GLI3: variants seen among roughly 807,000 people sequenced by gnomAD.
GLI3 encodes GLI family zinc finger 3.
GLI3 carries 20 observed loss-of-function variants against 100.8 expected under a neutral mutation model. The observed-to-expected ratio is 0.20, with a 90% CI of 0.14 to 0.29. The LOEUF (loss-of-function observed/expected upper bound fraction) is 0.29, where lower values mean the gene tolerates loss of function less well. GLI3 is among the 10% of genes least tolerant of loss of function. The pLI is 1.00. For synonymous variants in GLI3, 938 were observed against 860.5 expected, an observed-to-expected ratio of 1.09 and a Z score of -1.58; for missense variants, 2,040 against 2,128.5, an observed-to-expected ratio of 0.96 and a Z score of 0.82.
At chr7:42,035,934 C>T (rs1789426085) in intron 7 of GLI3, among the ~76,000 whole-genome samples, 1 of 152,180 alleles carries the variant, frequency 6.6e-6, no homozygotes, top group East Asian at 1.9e-4. Flanking sequence ...TATTTTATAA[C>T]ATACTTTCCA....
rs1461131100 is a variant in GLI3 at position 42,226,315 on chromosome 7, G to T, written c.-42-3020C>A. Among the ~76,000 whole-genome samples, 4 of 152,156 alleles carry T rather than the reference G, an allele frequency of 2.6e-5. No homozygotes were observed. In the East Asian group the frequency reaches 7.7e-4, roughly 29 times the overall value. The stretch of plus-strand genomic sequence containing the variant: ...AACTAAGTATCTTCCTTAGCAGAGG[G>T]TGCTAATTAATAGGAATCAGGAGAC... On this transcript the variant is annotated intron_variant, in intron 1 of 14. Coordinates refer to ENST00000395925, the MANE Select transcript of GLI3 (RefSeq NM_000168.6).
intron 4 of GLI3, among the ~76,000 whole-genome samples, chr7:42,066,515 A>C (rs558895498): frequency 6.6e-6 from 1 of 152,302 alleles, no homozygotes; most frequent in East Asian, 1.9e-4. Flanking sequence ...TCTGGATCGC[A>C]CTTCAGATCA....
At position 42,026,366 on chromosome 7, in the gene GLI3, T is replaced by C. The variant is rs1219185454; in HGVS notation, c.1075A>G (p.Met359Val). 3.1e-6 allele frequency: 5 copies of C among 1,614,060 alleles called. No homozygotes were observed. Among genetic ancestry groups the C allele is most frequent in the Non-Finnish European group, 4.2e-6 (5 of 1,179,990 alleles). ...TYSSAPVSLH[M>V]HQQILSRQQS... The stretch of plus-strand genomic sequence containing the variant: ...TGTCGGCTTAGGATCTGCTGATGCA[T>C]GTGGAGAGAGACGGGCGCGGAAGAG... The change falls in exon 8 of 15, where the codon ATG (methionine) becomes GTG (valine). Residue 359 changes from methionine (M) to valine (V), a missense_variant. Physicochemically the swap from Met to Val is conservative, Grantham distance 21 (BLOSUM62 1). Around this residue, in one of 5 missense-constraint regions of GLI3, gnomAD observed 603 missense variants for 690.9 expected, o/e 0.87. Transcript: ENST00000395925.
chr7:42,081,865 C>CAGTGCAAG (rs1785003746), intron 3 of GLI3, among the ~76,000 whole-genome samples: 1 of 152,056 alleles, frequency 6.6e-6, no homozygotes, highest in South Asian at 2.1e-4. Flanking sequence ...GCCCGGGAAA[C>CAGTGCAAG]AGTGCAAGAG....
At chr7:42,214,798 G>A (rs1788341434) in intron 2 of GLI3, among the ~76,000 whole-genome samples, 2 of 148,598 alleles carry the variant, frequency 1.3e-5, no homozygotes, top group South Asian at 4.3e-4. Flanking sequence ...TAATATGGCT[G>A]TCTTGTAGTT....
At chr7:41,992,923 T>A (rs1209636661) in intron 10 of GLI3, among the ~76,000 whole-genome samples, 2 of 152,208 alleles carry the variant, frequency 1.3e-5, no homozygotes, top group African/African-American at 4.8e-5. Flanking sequence ...ATTACTGTGC[T>A]GGAAGGGGCT....
rs1787062364 is a variant in GLI3 at position 41,963,478 on chromosome 7, A to G, written c.*852T>C. ...TCTTACCAGAACAGATAAAAGTAGC[A>G]ATGTGGCTGAGTGTCACCAACTGTC... On this transcript the variant is annotated 3_prime_UTR_variant, in exon 15 of 15. Transcript: ENST00000395925. The G allele has an allele frequency of 6.6e-6, 1 of 152,258 alleles. No homozygotes were observed. The highest frequency in any genetic ancestry group is 6.5e-5 in the Admixed American group (1 of 15,288). 9.4% of individuals were successfully genotyped at this position (152,258 alleles called of 1,614,324 possible). A position where few individuals can be genotyped will look rare whatever the true frequency, so the allele number is the denominator to read the frequency against.
intron 4 of GLI3, among the ~76,000 whole-genome samples, chr7:42,062,523 G>A (rs1416511804): frequency 1.3e-5 from 2 of 152,114 alleles, no homozygotes; most frequent in South Asian, 2.1e-4. Flanking sequence ...GTGGGACCAC[G>A]TAGCCTTGCA....
chr7:42,038,199 A>G (rs1467999961), intron 7 of GLI3, among the ~76,000 whole-genome samples: 1 of 152,196 alleles, frequency 6.6e-6, no homozygotes, highest in Non-Finnish European at 1.5e-5. Context: ...ATTCGCCAGG[A>G]GTGCAGGAGC....
At chr7:42,238,526 T>A (rs1447852430), upstream of GLI3, among the ~76,000 whole-genome samples, 1 of 152,240 alleles carries the variant, frequency 6.6e-6, no homozygotes, top group African/African-American at 2.4e-5. Flanking sequence ...CACAGCCTGC[T>A]GTCCCTATGG....
intron 3 of GLI3, among the ~76,000 whole-genome samples, chr7:42,124,666 C>A (rs1786082703): frequency 6.6e-6 from 1 of 152,186 alleles, no homozygotes; most frequent in South Asian, 2.1e-4. Context: ...GACTTGCTTG[C>A]CTTCAAGTGC....
chr7:42,145,096 T>C (rs1786669849), intron 3 of GLI3, among the ~76,000 whole-genome samples: 1 of 152,224 alleles, frequency 6.6e-6, no homozygotes, highest in Admixed American at 6.5e-5. Flanking sequence ...ATGGAAAATT[T>C]ATCACCTTCA....
intron 1 of GLI3, among the ~76,000 whole-genome samples, chr7:42,262,209 T>TTCCTTCCTTACTTCCTTCCTTCC (rs1186292634): frequency 9.9e-5 from 11 of 110,900 alleles, no homozygotes; most frequent in Admixed American, 2.8e-4. Context: ...TCCTTCCTTC[T>TTCCTTCCTTACTTCCTTCCTTCC]TTCCTTCCTT....
chr7:42,005,896 A>G (rs555842299), intron 10 of GLI3, among the ~76,000 whole-genome samples: 2 of 152,282 alleles, frequency 1.3e-5, no homozygotes, highest in East Asian at 1.9e-4. Flanking sequence ...GGCTGTTTTC[A>G]GGGCGTGAGG....
intron 10 of GLI3, among the ~76,000 whole-genome samples, chr7:42,006,567 C>T (rs1341034669): frequency 1.3e-5 from 2 of 152,182 alleles, no homozygotes; most frequent in Admixed American, 1.3e-4. Flanking sequence ...TGTGAACCTG[C>T]ATGTGTATGA....
intron 2 of GLI3, among the ~76,000 whole-genome samples, chr7:42,172,099 T>A (rs1250438060): frequency 1.3e-5 from 2 of 151,964 alleles, no homozygotes; most frequent in Admixed American, 6.6e-5. Context: ...CTGGATGTAT[T>A]CACATTGCTT....
At chr7:42,214,691 C>T (rs77056962) in intron 2 of GLI3, among the ~76,000 whole-genome samples, 6,766 of 151,452 alleles carry the variant, frequency 0.045, 192 homozygotes, top group Non-Finnish European at 0.066. Flanking sequence ...AAAGCATTTG[C>T]TATTTTCCCT....
At chr7:42,061,252 A>G (rs1329085235) in intron 4 of GLI3, among the ~76,000 whole-genome samples, 2 of 152,230 alleles carry the variant, frequency 1.3e-5, no homozygotes, top group Admixed American at 1.3e-4. Flanking sequence ...AGCCAAGAAG[A>G]CAGTAAGGCT....
chr7:42,016,358 A>G (rs1241864315), intron 10 of GLI3, among the ~76,000 whole-genome samples: 2 of 152,140 alleles, frequency 1.3e-5, no homozygotes, highest in African/African-American at 4.8e-5. Context: ...TCTTTCTGCA[A>G]TTACTAATTT....
Sources: gnomAD v4.1 joint callset for allele counts (sites outside exome capture counted in the v4.1 genomes callset) on GRCh38, gnomAD v4.1.1 for gene constraint, gnomAD v4.1.1 regional missense constraint, MANE v1.5 for transcripts, NCBI Gene and HGNC (gene_info 2026-07-23, HGNC 2026-07-21) for gene names.